The following TRABD2B variants were observed in gnomAD, a reference collection of about 807,000 sequenced individuals.
TRABD2B encodes TraB domain containing 2B, also known as metalloprotease TIKI2.
Under a neutral mutation model 40.1 loss-of-function variants are expected in TRABD2B, and 14 were observed. The observed-to-expected ratio is 0.35, with a 90% CI of 0.23 to 0.55. The LOEUF (loss-of-function observed/expected upper bound fraction) is 0.55. TRABD2B is among the 20% of genes least tolerant of loss of function. The probability of loss-of-function intolerance (pLI) is 0.90; values close to 1 mark genes in which losing one functional copy is unlikely to be tolerated. For missense variants in TRABD2B, 541 were observed against 648.6 expected (o/e 0.83, Z 1.80); for synonymous variants, 263 against 277.0 (o/e 0.95, Z 0.50).
At chr1:47,883,454 G>T (rs757348819) in intron 2 of TRABD2B, among the ~76,000 whole-genome samples, 2 of 152,144 alleles carry the variant, frequency 1.3e-5, no homozygotes, top group Admixed American at 1.3e-4. Flanking sequence ...ACATAACTAG[G>T]GGGTAGGGAG....
chr1:47,810,557 G>T (rs1644950899), intron 2 of TRABD2B, among the ~76,000 whole-genome samples: 1 of 152,228 alleles, frequency 6.6e-6, no homozygotes, highest in Admixed American at 6.5e-5. Context: ...GAGCAAGGGG[G>T]AGTGAGGCGA....
intron 6 of TRABD2B, among the ~76,000 whole-genome samples, chr1:47,769,499 G>A (rs935379123): frequency 4.6e-5 from 7 of 152,228 alleles, no homozygotes; most frequent in Admixed American, 2.0e-4. Context: ...GAGAAATGGG[G>A]CAGGACTGGT....
chr1:47,887,325 C>A lies in TRABD2B; in HGVS notation c.667-85706G>T, dbSNP rs138803915. On this transcript the variant is annotated intron_variant, in intron 2 of 6. Coordinates refer to ENST00000606738, the MANE Select transcript of TRABD2B (RefSeq NM_001194986.2). ...ACTGGAATTCCATATACAGGACTGA[C>A]TGACCCCAGAGGACCCTGATCTTAA... is the stretch of plus-strand genomic sequence containing the variant. Among the ~76,000 whole-genome samples the A allele has an allele frequency of 1.0e-3, 153 of 152,236 alleles. 1 individual carries two copies. Among genetic ancestry groups the A allele is most frequent in the African/African-American group, 3.5e-3 (146 of 41,544 alleles).
chr1:47,792,608 A>C lies in TRABD2B; in HGVS notation c.988+1978T>G, dbSNP rs80341949. On this transcript the variant is annotated intron_variant, in intron 4 of 6. Coordinates refer to ENST00000606738, the MANE Select transcript of TRABD2B (RefSeq NM_001194986.2). ...CTGGCCTGTTGCTGGAGTGGACATC[A>C]GTGCCCCTACAAACCTAGGGTTTCA... Among the ~76,000 whole-genome samples the C allele has an allele frequency of 8.8e-3, 1,341 of 152,306 alleles. 24 individuals carry two copies. The highest frequency in any genetic ancestry group is 0.031 in the African/African-American group (1,277 of 41,558).
chr1:47,867,032 C>T (rs1231507439), intron 2 of TRABD2B, among the ~76,000 whole-genome samples: 1 of 152,240 alleles, frequency 6.6e-6, no homozygotes, highest in Non-Finnish European at 1.5e-5. Context: ...AGCCACCCGC[C>T]TGTCTCCTGC....
rs189490588 is a variant in TRABD2B, at chr1:47,997,102, G to A, written c.-313C>T. The A allele has an allele frequency of 0.051, 49,683 of 983,194 alleles. 1,328 individuals carry two copies. The highest frequency in any genetic ancestry group is 0.1 in the East Asian group (884 of 8,560). The allele number at this position is 983,194 out of a possible 1,614,324, so 60.9% of individuals were successfully genotyped here. The stretch of plus-strand genomic sequence containing the variant: ...GCGCGCGGGGTCCCGGAGCTGCGTC[G>A]CGGTCCAGGGGCGCGCGGGGTTCCT... On this transcript the variant is annotated 5_prime_UTR_variant, in exon 1 of 7. Coordinates refer to ENST00000606738, the MANE Select transcript of TRABD2B (RefSeq NM_001194986.2).
At position 47,994,354 on chromosome 1, in the gene TRABD2B, C is replaced by T. The variant is rs940259929; in HGVS notation, c.346G>A (p.Glu116Lys). ...GENLQDVLPH[E>K]LYWRLKRHLD... ...TGGCGCTTCAAGCGCCAGTAAAGCTCGTGGGGCAGCACGTCCTGCAGGTTT... is the reference window on the plus strand; with the variant it reads ...TGGCGCTTCAAGCGCCAGTAAAGCTTGTGGGGCAGCACGTCCTGCAGGTTT... The change falls in exon 2 of 7, where the codon GAG becomes AAG. Residue 116 changes from glutamate (E) to lysine (K), a missense_variant. This residue lies in a region of TRABD2B where 369 missense variants were observed against 492.8 expected (regional missense o/e 0.75). Coordinates refer to ENST00000606738, the MANE Select transcript of TRABD2B (RefSeq NM_001194986.2). This position sits in a 1 kb window ranked among gnomAD's most constrained non-coding sequence, Gnocchi z 6.7. The T allele has an allele frequency of 2.0e-6, 3 of 1,536,194 alleles. No individual in the cohort carries two copies. Among genetic ancestry groups the T allele is most frequent in the Admixed American group, 2.0e-5 (1 of 51,010 alleles).
chr1:47,898,620 G>C (rs115714773), intron 2 of TRABD2B, among the ~76,000 whole-genome samples: 2 of 152,208 alleles, frequency 1.3e-5, no homozygotes, highest in East Asian at 3.9e-4. Flanking sequence ...AATCCAAAAC[G>C]CTCTGAAGAA....
At position 47,851,635 on chromosome 1, in the gene TRABD2B, G is replaced by A. The variant is rs181302674; in HGVS notation, c.667-50016C>T. ...CCAAGTCCTTCTCTGTCATTTGCTC[G>A]GACAAGTGATATTCAGTGTCCCAAG... On this transcript the variant is annotated intron_variant, in intron 2 of 6. Transcript: ENST00000606738. Among the ~76,000 whole-genome samples, 286 of 152,266 alleles carry A rather than the reference G, an allele frequency of 1.9e-3. 2 individuals are homozygous for A. Among genetic ancestry groups the A allele is most frequent in the Non-Finnish European group, 5.6e-4 (38 of 68,024 alleles).
chr1:47,768,249 C>T (rs1644331237), intron 6 of TRABD2B, among the ~76,000 whole-genome samples: 1 of 152,112 alleles, frequency 6.6e-6, no homozygotes, highest in East Asian at 1.9e-4. Context: ...AAGGAACTAT[C>T]AGGAGGGGAG....
intron 2 of TRABD2B, among the ~76,000 whole-genome samples, chr1:47,948,503 C>T (rs1018101187): frequency 1.3e-5 from 2 of 152,174 alleles, no homozygotes; most frequent in Admixed American, 6.5e-5. Flanking sequence ...GGGTCGAGTA[C>T]AGCCTTCAGA....
intron 2 of TRABD2B, among the ~76,000 whole-genome samples, chr1:47,880,091 C>T (rs1197873532): frequency 6.6e-6 from 1 of 152,230 alleles, no homozygotes; most frequent in African/African-American, 2.4e-5. Flanking sequence ...GGGCAGATCA[C>T]TGGAGGTGAG....
chr1:47,820,859 T>A (rs1645099694), intron 2 of TRABD2B, among the ~76,000 whole-genome samples: 1 of 151,708 alleles, frequency 6.6e-6, no homozygotes. Context: ...CATGAAGGAA[T>A]TATTATTTCA....
At chr1:47,899,780 C>T (rs1352989399) in intron 2 of TRABD2B, among the ~76,000 whole-genome samples, 8 of 152,076 alleles carry the variant, frequency 5.3e-5, no homozygotes, top group Non-Finnish European at 8.8e-5. Context: ...GTGGACAGGG[C>T]GATGCAGCCC....
At chr1:47,860,324 A>G (rs1046469308) in intron 2 of TRABD2B, among the ~76,000 whole-genome samples, 6 of 152,280 alleles carry the variant, frequency 3.9e-5, no homozygotes, top group Middle Eastern at 3.4e-3. Flanking sequence ...CCACAGCTGC[A>G]CAAGCTCACC....
intron 2 of TRABD2B, among the ~76,000 whole-genome samples, chr1:47,814,055 G>A (rs1644998960): frequency 6.6e-6 from 1 of 152,264 alleles, no homozygotes; most frequent in African/African-American, 2.4e-5. Flanking sequence ...CCCAAAGGAG[G>A]TGGCTCTGGC....
intron 2 of TRABD2B, among the ~76,000 whole-genome samples, chr1:47,911,911 C>T (rs1436489911): frequency 1.3e-5 from 2 of 152,262 alleles, no homozygotes; most frequent in South Asian, 4.1e-4. Context: ...AGCCCTGCCA[C>T]ACTGGGTGCC....
At position 47,994,327 on chromosome 1, in the gene TRABD2B, G is replaced by A; in HGVS notation, c.373C>T (p.Leu125=). The change falls in exon 2 of 7, where the codon CTG becomes TTG. Residue 125 remains leucine (L), a synonymous_variant. Transcript: ENST00000606738. The surrounding 1 kb of genome is among the most constrained non-coding windows in gnomAD (Gnocchi z 6.7). Reference sequence around the variant, plus strand: ...GGCATCATCAACTTCACGTAGTCCAGGTGGCGCTTCAAGCGCCAGTAAAGC... The same window carrying A: ...GGCATCATCAACTTCACGTAGTCCAAGTGGCGCTTCAAGCGCCAGTAAAGC... ...HELYWRLKRH[L]DYVKLMMPSW... is the part of the protein sequence containing the mutation. The A allele has an allele frequency of 6.5e-7, 1 of 1,536,292 alleles. No homozygotes were observed. Among genetic ancestry groups the A allele is most frequent in the Admixed American group, 2.0e-5 (1 of 51,012 alleles).
At chr1:47,823,616 A>G (rs1057182282) in intron 2 of TRABD2B, among the ~76,000 whole-genome samples, 1 of 152,142 alleles carries the variant, frequency 6.6e-6, no homozygotes, top group Non-Finnish European at 1.5e-5. Flanking sequence ...GTGCAGACAA[A>G]TGGGGAGGAG....
Sources: gnomAD v4.1 joint callset for allele counts (sites outside exome capture counted in the v4.1 genomes callset) on GRCh38, gnomAD v4.1.1 for gene constraint, gnomAD v4.1.1 regional missense constraint, Gnocchi (gnomAD v3.1) non-coding constraint, MANE v1.5 for transcripts, NCBI Gene and HGNC (gene_info 2026-07-23, HGNC 2026-07-21) for gene names.